GRM7: variants seen among roughly 807,000 people sequenced by gnomAD.
The protein encoded by GRM7 is glutamate metabotropic receptor 7, also known as metabotropic glutamate receptor 7.
In GRM7, 35 loss-of-function variants were observed where a neutral mutation model predicts 84.5. The observed-to-expected ratio is 0.41, with a 90% CI of 0.32 to 0.55. The LOEUF (loss-of-function observed/expected upper bound fraction) is 0.55, where lower values mean the gene tolerates loss of function less well. Among genes scored for constraint, GRM7 ranks in the 20% least tolerant of loss-of-function variants. The pLI is 0.19. For synonymous variants in GRM7, 487 were observed against 455.1 expected (o/e 1.07, Z -0.89); for missense variants, 1,003 against 1,194.6 (o/e 0.84, Z 2.36).
At chr3:7,570,159 T>C (rs1399388088) in intron 7 of GRM7, among the ~76,000 whole-genome samples, 1 of 152,128 alleles carries the variant, frequency 6.6e-6, no homozygotes, top group East Asian at 1.9e-4. Context: ...AAAATGAGAT[T>C]TGGGTGGGGA....
At position 7,741,002 on chromosome 3, in the gene GRM7, C is replaced by A. The variant is rs1020719431; in HGVS notation, c.*596C>A. ...TTACGATTATAGTACCACTGCACAT[C>A]ATGTTTTTTTTTTTAAGACAAAAAA... On this transcript the variant is annotated 3_prime_UTR_variant, in exon 10 of 10. Coordinates refer to ENST00000357716, the MANE Select transcript of GRM7 (RefSeq NM_000844.4). 6.9e-6 allele frequency: 1 copy of A among 144,118 alleles called. No individual in the cohort carries two copies. The highest frequency in any genetic ancestry group is 1.5e-5 in the Non-Finnish European group (1 of 65,692). 8.9% of individuals were successfully genotyped at this position (144,118 alleles called of 1,614,324 possible).
At chr3:7,088,232 T>A (rs1698531955) in intron 1 of GRM7, among the ~76,000 whole-genome samples, 1 of 152,182 alleles carries the variant, frequency 6.6e-6, no homozygotes, top group Non-Finnish European at 1.5e-5. Context: ...CAGAGGACAC[T>A]CCTGCTGGAA....
intron 7 of GRM7, among the ~76,000 whole-genome samples, chr3:7,464,094 T>G (rs1038886950): frequency 5.3e-5 from 8 of 152,196 alleles, no homozygotes; most frequent in Non-Finnish European, 1.2e-4. Flanking sequence ...TACCGGGCCC[T>G]GCTCTCAGAT....
chr3:7,387,149 T>A (rs958191679), intron 4 of GRM7, among the ~76,000 whole-genome samples: 1 of 152,208 alleles, frequency 6.6e-6, no homozygotes, highest in African/African-American at 2.4e-5. Context: ...GTTTTTTTCT[T>A]GTTGATTTAT....
intron 1 of GRM7, among the ~76,000 whole-genome samples, chr3:6,921,724 G>T (rs1697131492): frequency 6.6e-6 from 1 of 152,046 alleles, no homozygotes. Context: ...AGGGATCTGT[G>T]TACAAGAAAC....
Position 6,928,436 on chromosome 3 carries a change from A to C in GRM7, c.519+66529A>C, listed in dbSNP as rs982383508. Among the ~76,000 whole-genome samples the C allele has an allele frequency of 6.6e-6, 1 of 152,216 alleles. No individual in the cohort carries two copies. The highest frequency in any genetic ancestry group is 6.5e-5 in the Admixed American group (1 of 15,270). On this transcript the variant is annotated intron_variant, in intron 1 of 9. Coordinates refer to ENST00000357716, the MANE Select transcript of GRM7 (RefSeq NM_000844.4). This position sits in a 1 kb window ranked among gnomAD's most constrained non-coding sequence, Gnocchi z 4.5. Reference sequence around the variant, plus strand: ...GCATCATGGCATATGAGGAAGCAAAATCTGAGAAAGGATTTAAATGTGAAA... The same window carrying C: ...GCATCATGGCATATGAGGAAGCAAACTCTGAGAAAGGATTTAAATGTGAAA...
intron 1 of GRM7, among the ~76,000 whole-genome samples, chr3:7,106,482 A>G (rs974275847): frequency 1.3e-5 from 2 of 152,040 alleles, no homozygotes; most frequent in South Asian, 4.1e-4. Flanking sequence ...AAAAAAATCA[A>G]ATGTGAATGA....
intron 2 of GRM7, among the ~76,000 whole-genome samples, chr3:7,239,582 C>T (rs527771936): frequency 5.3e-5 from 8 of 152,198 alleles, no homozygotes; most frequent in East Asian, 1.9e-4. Context: ...TGAATGTTTC[C>T]GGATGAGATT....
At chr3:7,516,333 C>A (rs1188578526) in intron 7 of GRM7, among the ~76,000 whole-genome samples, 1 of 150,516 alleles carries the variant, frequency 6.6e-6, no homozygotes, top group African/African-American at 2.4e-5. Flanking sequence ...AAAAATTAGC[C>A]AGGCGTGGTG....
chr3:7,181,583 C>T (rs1695338453), intron 2 of GRM7, among the ~76,000 whole-genome samples: 1 of 151,954 alleles, frequency 6.6e-6, no homozygotes, highest in Admixed American at 6.6e-5. Context: ...TTTAGAAACA[C>T]TATTGAATAA....
At chr3:7,534,239 C>G (rs1212177134) in intron 7 of GRM7, among the ~76,000 whole-genome samples, 1 of 152,112 alleles carries the variant, frequency 6.6e-6, no homozygotes, top group Non-Finnish European at 1.5e-5. Flanking sequence ...GTCTTGAACT[C>G]CTGATCTCAA....
intron 1 of GRM7, among the ~76,000 whole-genome samples, chr3:6,951,131 G>A (rs1246058210): frequency 2.0e-5 from 3 of 152,128 alleles, no homozygotes; most frequent in East Asian, 1.9e-4. Flanking sequence ...CTTCTGCGTC[G>A]CTCACACTGG....
intron 1 of GRM7, among the ~76,000 whole-genome samples, chr3:6,867,753 C>G (rs893743541): frequency 6.6e-6 from 1 of 151,972 alleles, no homozygotes; most frequent in East Asian, 1.9e-4. Context: ...ATTAATGGAC[C>G]TTTTGTGAAT....
intron 1 of GRM7, among the ~76,000 whole-genome samples, chr3:7,055,192 CT>C (rs532357012): frequency 3.8e-4 from 57 of 151,416 alleles, no homozygotes; most frequent in African/African-American, 1.4e-3. Context: ...GATTTTCTTC[CT>C]TCATTTTCTT....
intron 7 of GRM7, among the ~76,000 whole-genome samples, chr3:7,549,225 A>G (rs1693322235): frequency 6.6e-6 from 1 of 152,222 alleles, no homozygotes. Flanking sequence ...AAAGCAATAA[A>G]TACTTAAAAC....
chr3:7,656,778 A>G (rs1282462591), intron 8 of GRM7, among the ~76,000 whole-genome samples: 2 of 152,148 alleles, frequency 1.3e-5, no homozygotes, highest in Non-Finnish European at 2.9e-5. Flanking sequence ...ATGGTCAAAG[A>G]GAGGTTCTAG....
At chr3:7,123,926 A>G (rs1162174568) in intron 1 of GRM7, among the ~76,000 whole-genome samples, 3 of 152,216 alleles carry the variant, frequency 2.0e-5, no homozygotes, top group East Asian at 1.9e-4. Context: ...ATATACAACA[A>G]TATAATTCTG....
intron 2 of GRM7, among the ~76,000 whole-genome samples, chr3:7,202,399 C>T (rs549763963): frequency 2.0e-5 from 3 of 152,080 alleles, no homozygotes; most frequent in Non-Finnish European, 2.9e-5. Flanking sequence ...GGTGCAATCT[C>T]GGCTTACTGC....
At chr3:6,974,248 T>A (rs1284978393) in intron 1 of GRM7, among the ~76,000 whole-genome samples, 1 of 151,686 alleles carries the variant, frequency 6.6e-6, no homozygotes, top group Non-Finnish European at 1.5e-5. Context: ...CCAGTGGGGG[T>A]AGCAACTGGG....
Sources: gnomAD v4.1 joint callset for allele counts (sites outside exome capture counted in the v4.1 genomes callset) on GRCh38, gnomAD v4.1.1 for gene constraint, Gnocchi (gnomAD v3.1) non-coding constraint, MANE v1.5 for transcripts, NCBI Gene and HGNC (gene_info 2026-07-23, HGNC 2026-07-21) for gene names.